ARF1: variants seen among roughly 807,000 people sequenced by gnomAD.
ARF1 encodes the protein ADP-ribosylation factor 1.
Under a neutral mutation model 18.0 loss-of-function variants are expected in ARF1, and 1 was observed. The ratio of observed to expected loss-of-function variants is 0.06; its 90% CI spans 0.02 to 0.26. The LOEUF (loss-of-function observed/expected upper bound fraction) is 0.26, where lower values mean the gene tolerates loss of function less well. Among genes scored for constraint, ARF1 ranks in the 10% least tolerant of loss-of-function variants. The pLI, the probability that ARF1 is intolerant of heterozygous loss-of-function variation, is 1.00. For synonymous variants in ARF1, 112 were observed against 96.3 expected, an observed-to-expected ratio of 1.16 and a Z score of -0.95; for missense variants, 73 against 247.2, an observed-to-expected ratio of 0.30 and a Z score of 4.73.
At chr1:228,092,059 GT>G (rs2032593037) in intron 1 of ARF1, among the ~76,000 whole-genome samples, 1 of 152,176 alleles carries the variant, frequency 6.6e-6, no homozygotes, top group Non-Finnish European at 1.5e-5. Context: ...GCTTTGTTCA[GT>G]TTCCTCAGAT....
intron 1 of ARF1, among the ~76,000 whole-genome samples, chr1:228,088,830 C>T (rs978079634): frequency 2.0e-4 from 30 of 152,258 alleles, no homozygotes; most frequent in Admixed American, 6.5e-5. Flanking sequence ...GGTTCTCTGC[C>T]GTCTTGTGCG....
chr1:228,093,641 A>AAT lies in ARF1; in HGVS notation c.-37-3437_-37-3436insAT, dbSNP rs397812351. On this transcript the variant is annotated intron_variant, in intron 1 of 4. Coordinates refer to ENST00000272102, the MANE Select transcript of ARF1 (RefSeq NM_001658.4). ...TGGTCTGTTAAAAAAAAAAAAAAAA[A>AAT]TCCGGGCGTGGTGGCTCACTCCTGT... Among the ~76,000 whole-genome samples, 366 of 149,398 alleles carry AAT rather than the reference A, an allele frequency of 2.4e-3. 2 individuals carry two copies. The highest frequency in any genetic ancestry group is 3.4e-3 in the Middle Eastern group (1 of 292).
rs74140916 is a variant in ARF1 at position 228,083,912 on chromosome 1, G to A, written c.-38+1147G>A. Among the ~76,000 whole-genome samples the A allele has an allele frequency of 6.8e-3, 1,038 of 152,380 alleles. 7 individuals are homozygous for A. The highest frequency in any genetic ancestry group is 0.021 in the African/African-American group (862 of 41,586). The stretch of plus-strand genomic sequence containing the variant: ...GAAAAGAAGGGAGGTCGGAGGCTTT[G>A]GATGGTCCCCGAAGTCGCCGCCTAG... On this transcript the variant is annotated intron_variant, in intron 1 of 4. Transcript: ENST00000272102.
rs750890801 is a variant in ARF1 at position 228,097,551 on chromosome 1, G to A, written c.260-40G>A. ...CGATGCCCATAGATGCGGCAGGGGGGCTGTGTTCCCATGACCATTTGACAC... is the reference window on the plus strand; with the variant it reads ...CGATGCCCATAGATGCGGCAGGGGGACTGTGTTCCCATGACCATTTGACAC... On this transcript the variant is annotated intron_variant, in intron 3 of 4. Coordinates refer to ENST00000272102, the MANE Select transcript of ARF1 (RefSeq NM_001658.4). The surrounding 1 kb of genome is among the most constrained non-coding windows in gnomAD (Gnocchi z 8.1). The A allele has an allele frequency of 6.2e-7, 1 of 1,613,736 alleles. No homozygotes were observed. Among genetic ancestry groups the A allele is most frequent in the Admixed American group, 1.7e-5 (1 of 60,024 alleles).
chr1:228,098,857 CCAG>C lies in ARF1; in HGVS notation c.*848_*850del, dbSNP rs770829536. 1 of 152,708 alleles carries C rather than the reference CCAG, an allele frequency of 6.5e-6. No homozygotes were observed. Among genetic ancestry groups the C allele is most frequent in the Non-Finnish European group, 1.5e-5 (1 of 68,082 alleles). 9.5% of individuals were successfully genotyped at this position (152,708 alleles called of 1,614,324 possible). A position where few individuals can be genotyped will look rare whatever the true frequency, so the allele number is the denominator to read the frequency against. ...CTTTGGCAGGATGTCTGGGGCCTCA[CCAG>C]CAGGAGCGCGTGCAAGCCGGGCAGG... On this transcript the variant is annotated 3_prime_UTR_variant, in exon 5 of 5. Transcript: ENST00000272102.
At chr1:228,091,515 T>C (rs2032575941) in intron 1 of ARF1, among the ~76,000 whole-genome samples, 1 of 152,160 alleles carries the variant, frequency 6.6e-6, no homozygotes, top group Non-Finnish European at 1.5e-5. Flanking sequence ...TTCTAGAATG[T>C]GTGTGCCATC....
chr1:228,085,194 C>T (rs1454753276), intron 1 of ARF1, among the ~76,000 whole-genome samples: 1 of 152,274 alleles, frequency 6.6e-6, no homozygotes, highest in Non-Finnish European at 1.5e-5. Context: ...TAGGGGCATT[C>T]TGCCCGTAGC....
chr1:228,096,212 T>G (rs559511463), intron 1 of ARF1, among the ~76,000 whole-genome samples: 1 of 152,296 alleles, frequency 6.6e-6, no homozygotes, highest in South Asian at 2.1e-4. Context: ...GTGGAACCCC[T>G]GGTGGAGGAG....
chr1:228,094,296 T>C (rs1408519792), intron 1 of ARF1, among the ~76,000 whole-genome samples: 1 of 152,130 alleles, frequency 6.6e-6, no homozygotes, highest in Non-Finnish European at 1.5e-5. Flanking sequence ...TTATTCCTCC[T>C]AGACTTGTTA....
In ARF1 at chr1:228,082,861, G is replaced by A. The variant is rs1476324212; in HGVS notation, c.-38+96G>A. On this transcript the variant is annotated intron_variant, in intron 1 of 4. Transcript: ENST00000272102. The surrounding 1 kb of genome is among the most constrained non-coding windows in gnomAD (Gnocchi z 6.1). ...TCGGGGCGACTTGAGGTTCGCGAAG[G>A]GCACGTCGACCCCCGCGGCGGCGGC... 6.6e-6 allele frequency: 1 copy of A among 152,570 alleles called. No homozygotes were observed. Among genetic ancestry groups the A allele is most frequent in the Admixed American group, 6.6e-5 (1 of 15,238 alleles). The allele number at this position is 152,570 out of a possible 1,614,324, so 9.5% of individuals were successfully genotyped here.
At chr1:228,084,033 G>T (rs372551932) in intron 1 of ARF1, among the ~76,000 whole-genome samples, 8 of 152,228 alleles carry the variant, frequency 5.3e-5, no homozygotes, top group African/African-American at 1.7e-4. Flanking sequence ...TTTGCCGGCT[G>T]TTGCAAGGCT....
intron 1 of ARF1, among the ~76,000 whole-genome samples, chr1:228,095,745 G>A (rs988824108): frequency 2.6e-5 from 4 of 152,144 alleles, no homozygotes; most frequent in Non-Finnish European, 5.9e-5. Context: ...CCTTCAAGGC[G>A]TGTGTGTCAT....
chr1:228,084,108 C>T (rs1159536235), intron 1 of ARF1, among the ~76,000 whole-genome samples: 2 of 152,172 alleles, frequency 1.3e-5, no homozygotes, highest in Non-Finnish European at 2.9e-5. Context: ...CAGTTGTGTG[C>T]GGCCCCTGTG....
chr1:228,083,646 A>G (rs986481679), intron 1 of ARF1: 6 of 152,348 alleles, frequency 3.9e-5, no homozygotes, highest in South Asian at 4.1e-4. Flanking sequence ...ACCTACCTGA[A>G]TCTTTAACCT....
chr1:228,095,455 C>A (rs763464889), intron 1 of ARF1, among the ~76,000 whole-genome samples: 6 of 152,188 alleles, frequency 3.9e-5, no homozygotes, highest in Non-Finnish European at 8.8e-5. Context: ...ACCCTTAGGC[C>A]GCATGTGGCC....
intron 1 of ARF1, among the ~76,000 whole-genome samples, chr1:228,093,294 C>T (rs1164522054): frequency 6.6e-6 from 1 of 152,094 alleles, no homozygotes; most frequent in African/African-American, 2.4e-5. Context: ...ACCAAGAGGC[C>T]CTGGAATTGA....
chr1:228,097,255 C>A lies in ARF1; in HGVS notation c.141C>A (p.Pro47=), dbSNP rs767176898. The A allele has an allele frequency of 1.9e-6, 3 of 1,610,708 alleles. 1 individual carries two copies. The South Asian group carries it at 3.3e-5, about 18-fold the overall frequency. The change falls in exon 2 of 5, where the codon CCC becomes CCA. Residue 47 remains proline, a synonymous_variant. Coordinates refer to ENST00000272102, the MANE Select transcript of ARF1 (RefSeq NM_001658.4). This position sits in a 1 kb window ranked among gnomAD's most constrained non-coding sequence, Gnocchi z 8.1. ...TGGGTGAGATCGTGACCACCATTCC[C>A]ACCATAGGTGAGGTGGGGGCCAGCA... ...LKLGEIVTTI[P]TIGFNVETVE... is the part of the protein sequence containing the mutation.
chr1:228,098,273 T>C lies in ARF1; in HGVS notation c.*260T>C. 1 of 363,920 alleles carries C rather than the reference T, an allele frequency of 2.7e-6. No individual in the cohort carries two copies. 22.5% of individuals were successfully genotyped at this position (363,920 alleles called of 1,614,324 possible). On this transcript the variant is annotated 3_prime_UTR_variant, in exon 5 of 5. Coordinates refer to ENST00000272102, the MANE Select transcript of ARF1 (RefSeq NM_001658.4). ...TTTTATTGTAAAAAGAAAAATCAAC[T>C]CACTGTTCAGTGCTGAGAGGGGATG...
At chr1:228,083,374 G>A (rs1192733504) in intron 1 of ARF1, 2 of 152,376 alleles carry the variant, frequency 1.3e-5, no homozygotes, top group Non-Finnish European at 2.9e-5. Context: ...CTGTGAAGAC[G>A]GTACCGGGTC....
Sources: allele counts gnomAD v4.1 joint callset (sites outside exome capture counted in the v4.1 genomes callset), GRCh38; gene constraint gnomAD v4.1.1; non-coding constraint Gnocchi (gnomAD v3.1); transcripts MANE v1.5; gene names NCBI Gene and HGNC (gene_info 2026-07-23, HGNC 2026-07-21).